PARP8: variants seen among roughly 807,000 people sequenced by gnomAD.
The protein encoded by PARP8 is poly(ADP-ribose) polymerase family member 8, also known as protein mono-ADP-ribosyltransferase PARP8.
Under a neutral mutation model 124.1 loss-of-function variants are expected in PARP8, and 51 were observed. That is an observed-to-expected ratio of 0.41 (90% CI 0.33 to 0.52). The LOEUF is 0.52. Ranked by LOEUF, PARP8 falls within the 20% of genes least tolerant of loss-of-function variation. The probability of loss-of-function intolerance (pLI) is 0.21; values close to 1 mark genes in which losing one functional copy is unlikely to be tolerated. For missense variants in PARP8, 860 were observed against 1,018.9 expected (o/e 0.84, Z 2.12); for synonymous variants, 391 against 361.5 (o/e 1.08, Z -0.93).
chr5:50,825,669 T>G (rs1439252341), intron 18 of PARP8, among the ~76,000 whole-genome samples: 1 of 152,194 alleles, frequency 6.6e-6, no homozygotes, highest in Non-Finnish European at 1.5e-5. Context: ...TTATAAGGGT[T>G]TTATACACAT....
chr5:50,678,293 CTG>C (rs1396839100), intron 2 of PARP8, among the ~76,000 whole-genome samples: 5 of 152,100 alleles, frequency 3.3e-5, no homozygotes, highest in African/African-American at 1.2e-4. Flanking sequence ...TGTTATATTT[CTG>C]TGTTTGAATA....
At chr5:50,677,214 T>C (rs1750732523) in intron 2 of PARP8, among the ~76,000 whole-genome samples, 1 of 151,938 alleles carries the variant, frequency 6.6e-6, no homozygotes, top group Non-Finnish European at 1.5e-5. Flanking sequence ...CTCGTAGATA[T>C]TGACTGGGAG....
intron 9 of PARP8, among the ~76,000 whole-genome samples, chr5:50,782,166 C>T (rs1308980561): frequency 6.6e-6 from 1 of 152,184 alleles, no homozygotes; most frequent in Non-Finnish European, 1.5e-5. Context: ...GCATCTATCT[C>T]TTTCATAGAA....
chr5:50,828,226 A>G lies in PARP8; in HGVS notation c.2091-86A>G, dbSNP rs1746558777. 7.3e-6 allele frequency: 10 copies of G among 1,365,732 alleles called. No individual in the cohort carries two copies. In the South Asian group the frequency reaches 1.2e-4, roughly 17 times the overall value. 84.6% of individuals were successfully genotyped at this position (1,365,732 alleles called of 1,614,324 possible). On this transcript the variant is annotated intron_variant, in intron 20 of 25. Coordinates refer to ENST00000281631, the MANE Select transcript of PARP8 (RefSeq NM_024615.4). ...TGATTTGGCAATCCAGAACCTTCAG[A>G]AGGCACCATGACTTATTATGTTTTG...
chr5:50,722,746 T>C (rs968160010), intron 2 of PARP8, among the ~76,000 whole-genome samples: 8 of 152,146 alleles, frequency 5.3e-5, no homozygotes, highest in African/African-American at 1.9e-4. Flanking sequence ...GTGGATGTTA[T>C]ATGTGCTTAA....
rs847228 is a variant in PARP8, at chr5:50,801,280, T to G, written c.1575+4047T>G. On this transcript the variant is annotated intron_variant, in intron 14 of 25. Coordinates refer to ENST00000281631, the MANE Select transcript of PARP8 (RefSeq NM_024615.4). ...ACACCCGGCTAATTTTGTGTTTTTATTAGAGACGGGGTTTCTTCGTGTTGG... is the reference window on the plus strand; with the variant it reads ...ACACCCGGCTAATTTTGTGTTTTTAGTAGAGACGGGGTTTCTTCGTGTTGG... Among the ~76,000 whole-genome samples, 11 of 152,078 alleles carry G rather than the reference T, an allele frequency of 7.2e-5. No homozygotes were observed. The East Asian group carries it at 2.1e-3, about 30-fold the overall frequency.
At chr5:50,801,026 A>G (rs1430797069) in intron 14 of PARP8, among the ~76,000 whole-genome samples, 1 of 151,988 alleles carries the variant, frequency 6.6e-6, no homozygotes, top group Non-Finnish European at 1.5e-5. Context: ...TCAAAGTGTT[A>G]GGATTACAGG....
At chr5:50,819,430 T>TTG (rs1745498224) in intron 15 of PARP8, among the ~76,000 whole-genome samples, 1 of 97,374 alleles carries the variant, frequency 1.0e-5, no homozygotes, top group Admixed American at 9.5e-5. Flanking sequence ...TTATCTTCTT[T>TTG]TTTTTTTTTT....
intron 14 of PARP8, among the ~76,000 whole-genome samples, chr5:50,804,610 G>A (rs1406354289): frequency 6.6e-6 from 1 of 152,068 alleles, no homozygotes; most frequent in Non-Finnish European, 1.5e-5. Flanking sequence ...TTTAGTAGTG[G>A]TATTTCCATT....
At chr5:50,818,471 C>A (rs1190060187) in intron 15 of PARP8, among the ~76,000 whole-genome samples, 3 of 152,162 alleles carry the variant, frequency 2.0e-5, no homozygotes, top group African/African-American at 7.2e-5. Context: ...CTCAAGGGAT[C>A]CTCCCGCCTC....
intron 25 of PARP8, among the ~76,000 whole-genome samples, chr5:50,837,808 A>G (rs886919790): frequency 6.6e-6 from 1 of 152,052 alleles, no homozygotes; most frequent in Non-Finnish European, 1.5e-5. Context: ...AAAAAAAAGA[A>G]GAGAATTAGA....
At chr5:50,752,616 C>T (rs1203485116) in intron 3 of PARP8, among the ~76,000 whole-genome samples, 1 of 151,980 alleles carries the variant, frequency 6.6e-6, no homozygotes, top group Admixed American at 6.6e-5. Context: ...GGTTTGTCTT[C>T]CAAATAGTTT....
At chr5:50,807,410 A>T (rs1743975524) in intron 14 of PARP8, among the ~76,000 whole-genome samples, 1 of 152,094 alleles carries the variant, frequency 6.6e-6, no homozygotes, top group East Asian at 1.9e-4. Context: ...TTTTCAATTT[A>T]AAAGTGTCAT....
intron 2 of PARP8, among the ~76,000 whole-genome samples, chr5:50,693,326 G>A (rs760622303): frequency 6.6e-6 from 1 of 152,122 alleles, no homozygotes; most frequent in Non-Finnish European, 1.5e-5. Flanking sequence ...TTTAGCCAGT[G>A]TTTTGAATCT....
intron 2 of PARP8, among the ~76,000 whole-genome samples, chr5:50,744,101 G>A (rs1401450556): frequency 6.6e-6 from 1 of 152,192 alleles, no homozygotes; most frequent in Non-Finnish European, 1.5e-5. Context: ...TATGGGCCCT[G>A]CTTGTAAAAT....
chr5:50,685,897 A>G (rs1031224157), intron 2 of PARP8, among the ~76,000 whole-genome samples: 4 of 152,148 alleles, frequency 2.6e-5, no homozygotes, highest in Admixed American at 6.5e-5. Flanking sequence ...TGCCCCCATG[A>G]TTCAATTACT....
rs1449479773 is a variant in PARP8, at chr5:50,777,121, C to T, written c.519-948C>T. Among the ~76,000 whole-genome samples the T allele has an allele frequency of 4.6e-5, 7 of 152,282 alleles. No homozygotes were observed. In the East Asian group the frequency reaches 1.3e-3, roughly 29 times the overall value. On this transcript the variant is annotated intron_variant, in intron 7 of 25. Coordinates refer to ENST00000281631, the MANE Select transcript of PARP8 (RefSeq NM_024615.4). ...TTAACTAAAATACATGTATTCAAGT[C>T]TCAGCTCTGCTATAGAGTGATGATT...
At chr5:50,743,977 T>TA (rs1300866026) in intron 2 of PARP8, among the ~76,000 whole-genome samples, 1 of 152,078 alleles carries the variant, frequency 6.6e-6, no homozygotes, top group East Asian at 1.9e-4. Context: ...AGCAGGTAAG[T>TA]AAAAAGGTAA....
chr5:50,668,886 G>C (rs1328357342), intron 2 of PARP8: 1 of 152,234 alleles, frequency 6.6e-6, no homozygotes, highest in Non-Finnish European at 1.5e-5. Context: ...CCACATATGA[G>C]AAGTACCAGA....
Sources: gnomAD v4.1 joint callset for allele counts (sites outside exome capture counted in the v4.1 genomes callset) on GRCh38, gnomAD v4.1.1 for gene constraint, MANE v1.5 for transcripts, NCBI Gene and HGNC (gene_info 2026-07-23, HGNC 2026-07-21) for gene names.